ACSL6: variants seen among roughly 807,000 people sequenced by gnomAD.
The protein encoded by ACSL6 is acyl-CoA synthetase long chain family member 6, also known as long-chain-fatty-acid--CoA ligase 6.
ACSL6 carries 47 observed loss-of-function variants against 98.2 expected under a neutral mutation model. The observed-to-expected ratio is 0.48, with a 90% CI of 0.38 to 0.61. The LOEUF is 0.61. ACSL6 is among the 20% of genes least tolerant of loss of function. ACSL6 has a pLI of 0.00. For synonymous variants in ACSL6, 362 were observed against 336.9 expected (o/e 1.07, Z -0.82); for missense variants, 761 against 913.4 (o/e 0.83, Z 2.15).
intron 20 of ACSL6, among the ~76,000 whole-genome samples, chr5:131,954,908 G>A (rs1380288833): frequency 6.6e-6 from 1 of 152,178 alleles, no homozygotes; most frequent in Non-Finnish European, 1.5e-5. Context: ...AGAAATGTCA[G>A]CGTGTGAAAA....
Position 131,985,437 on chromosome 5 carries a change from A to T in ACSL6, c.886T>A (p.Ser296Thr). The change falls in exon 9 of 21, where the codon TCC becomes ACC. Residue 296 changes from serine to threonine, a missense_variant. By Grantham distance (58) the Ser-to-Thr change is moderately conservative. Coordinates refer to ENST00000651883, the MANE Select transcript of ACSL6 (RefSeq NM_001009185.3). ...GTGCCGCTTGTGAAACACACAATGG[A>T]GAGGTCATCAGGCTGCGGGGGCTGC... is the stretch of plus-strand genomic sequence containing the variant. ...APVPPQPDDL[S>T]IVCFTSGTTG... 1 of 1,613,976 alleles carries T rather than the reference A, an allele frequency of 6.2e-7. No homozygotes were observed.
chr5:131,998,991 G>T (rs1177594219), intron 1 of ACSL6, among the ~76,000 whole-genome samples: 1 of 152,142 alleles, frequency 6.6e-6, no homozygotes, highest in East Asian at 1.9e-4. Flanking sequence ...CTGGGCCTCT[G>T]CAAACTTCTG....
intron 1 of ACSL6, among the ~76,000 whole-genome samples, chr5:132,008,913 C>A (rs1188650802): frequency 6.6e-6 from 1 of 152,248 alleles, no homozygotes; most frequent in African/African-American, 2.4e-5. Context: ...CTACTTTGCA[C>A]AAAGGTGCTG....
chr5:131,998,682 G>A (rs1029675945), intron 1 of ACSL6, among the ~76,000 whole-genome samples: 2 of 152,082 alleles, frequency 1.3e-5, no homozygotes, highest in Admixed American at 6.5e-5. Context: ...CTACCCCAAC[G>A]GCCCCAGGCC....
At chr5:131,984,616 C>G (rs1389672405) in intron 9 of ACSL6, 1 of 152,562 alleles carries the variant, frequency 6.6e-6, no homozygotes, top group Non-Finnish European at 1.5e-5. Flanking sequence ...GTGCTGAGGC[C>G]CCAGTGGTGC....
At chr5:131,975,795 A>T in intron 10 of ACSL6, 1 of 985,400 alleles carries the variant, frequency 1.0e-6, no homozygotes, top group East Asian at 1.1e-4. Context: ...CCTCTGCTGG[A>T]CTTCCCTGCT....
At chr5:131,993,427 G>A (rs1434521307) in intron 2 of ACSL6, 1 of 158,036 alleles carries the variant, frequency 6.3e-6, no homozygotes, top group African/African-American at 2.4e-5. Context: ...TGTTTGTTCT[G>A]GACTATGTGG....
intron 4 of ACSL6, among the ~76,000 whole-genome samples, chr5:131,989,806 CTGGTCT>C (rs1754409413): frequency 6.6e-6 from 1 of 152,088 alleles, no homozygotes. Flanking sequence ...GTTGCCCAGG[CTGGTCT>C]CAAACTCCTG....
chr5:131,962,065 G>A (rs1752739576), intron 18 of ACSL6, among the ~76,000 whole-genome samples: 1 of 151,126 alleles, frequency 6.6e-6, no homozygotes, highest in Non-Finnish European at 1.5e-5. Context: ...TGTAGTCCCA[G>A]CTATTGGGGA....
chr5:131,971,001 C>T (rs148871217), intron 14 of ACSL6, among the ~76,000 whole-genome samples: 71 of 152,178 alleles, frequency 4.7e-4, no homozygotes, highest in African/African-American at 1.7e-3. Flanking sequence ...TTTAAGCACG[C>T]ACAATTATGA....
chr5:131,966,303 C>A (rs970527945), intron 17 of ACSL6, 113 bp downstream of exon 17: 2 of 1,016,736 alleles, frequency 2.0e-6, no homozygotes, highest in African/African-American at 3.1e-5. Flanking sequence ...AGAGGTGCTC[C>A]TGAATGACTC....
intron 1 of ACSL6, among the ~76,000 whole-genome samples, chr5:131,995,772 C>T (rs1415625962): frequency 6.6e-6 from 1 of 152,242 alleles, no homozygotes; most frequent in Non-Finnish European, 1.5e-5. Flanking sequence ...TTCTCCTTCT[C>T]TTATGAGCAA....
chr5:131,964,189 C>T (rs1752886806), intron 17 of ACSL6, among the ~76,000 whole-genome samples: 2 of 152,068 alleles, frequency 1.3e-5, no homozygotes, highest in Admixed American at 1.3e-4. Context: ...GACAACAAAA[C>T]CATAATAGGG....
intron 1 of ACSL6, among the ~76,000 whole-genome samples, chr5:132,000,375 C>T (rs1167345852): frequency 6.6e-6 from 1 of 151,942 alleles, no homozygotes; most frequent in African/African-American, 2.4e-5. Context: ...GGAATGGTCA[C>T]CCTGGAGCCA....
intron 9 of ACSL6, among the ~76,000 whole-genome samples, chr5:131,981,192 T>C (rs926217005): frequency 1.3e-5 from 2 of 151,766 alleles, no homozygotes; most frequent in Non-Finnish European, 2.9e-5. Flanking sequence ...CTTTCTTCTG[T>C]CTCCAGTGGC....
intron 17 of ACSL6, among the ~76,000 whole-genome samples, chr5:131,964,184 C>T (rs751828697): frequency 6.6e-6 from 1 of 152,124 alleles, no homozygotes; most frequent in Non-Finnish European, 1.5e-5. Flanking sequence ...AAGCTGACAA[C>T]AAAACCATAA....
chr5:131,975,448 C>T (rs1178206313), intron 10 of ACSL6: 1 of 985,312 alleles, frequency 1.0e-6, no homozygotes, highest in Non-Finnish European at 1.2e-6. Flanking sequence ...GGCAGGGATT[C>T]AGAAGGTCTT....
intron 17 of ACSL6, among the ~76,000 whole-genome samples, chr5:131,962,881 T>C (rs1439135311): frequency 2.6e-5 from 4 of 152,060 alleles, no homozygotes; most frequent in African/African-American, 9.7e-5. Context: ...ATCCAAGTTC[T>C]GCTGGGCCGT....
intron 17 of ACSL6, 111 bp from the exon 18 acceptor site, chr5:131,962,789 A>G: frequency 1.6e-6 from 2 of 1,257,796 alleles, no homozygotes; most frequent in Non-Finnish European, 2.2e-6. Flanking sequence ...CCCCACCCCG[A>G]TTTCTTTTCC....
Sources: gnomAD v4.1 joint callset for allele counts (sites outside exome capture counted in the v4.1 genomes callset) on GRCh38, gnomAD v4.1.1 for gene constraint, MANE v1.5 for transcripts, NCBI Gene and HGNC (gene_info 2026-07-23, HGNC 2026-07-21) for gene names.